Variants in LRRIQ3 observed in about 807,000 individuals in gnomAD.
The protein encoded by LRRIQ3 is leucine rich repeats and IQ motif containing 3.
LRRIQ3 carries 75 observed loss-of-function variants against 59.3 expected under a neutral mutation model. The observed-to-expected ratio is 1.26, with a 90% CI of 1.05 to 1.53. The LOEUF (loss-of-function observed/expected upper bound fraction) is 1.53, where lower values mean the gene tolerates loss of function less well. LRRIQ3 is among the 40% of genes most tolerant of loss of function. The pLI is 0.00. For missense variants in LRRIQ3, 831 were observed against 710.0 expected (o/e 1.17, Z -1.94); for synonymous variants, 250 against 231.3 (o/e 1.08, Z -0.73).
chr1:74,067,978 A>C (rs1055794923), intron 6 of LRRIQ3, among the ~76,000 whole-genome samples: 2 of 152,076 alleles, frequency 1.3e-5, no homozygotes. Flanking sequence ...AACATAGTCA[A>C]GTACAACCAA....
At chr1:74,095,537 A>T (rs1646439796) in intron 5 of LRRIQ3, among the ~76,000 whole-genome samples, 1 of 152,132 alleles carries the variant, frequency 6.6e-6, no homozygotes. Flanking sequence ...TATAACTAAG[A>T]TATTGGGAAG....
intron 5 of LRRIQ3, among the ~76,000 whole-genome samples, chr1:74,087,381 CTTTTT>C (rs57068994): frequency 4.7e-4 from 28 of 59,010 alleles, no homozygotes; most frequent in African/African-American, 1.8e-3. Flanking sequence ...AAAATTTTAT[CTTTTT>C]TTTTTTTTTT....
At position 74,181,005 on chromosome 1, in the gene LRRIQ3, G is replaced by T. The variant is rs1169967330; in HGVS notation, c.573+1533C>A. ...GTCTATTCTCTGTGCCTTTCCCTTG[G>T]ACTTAATGAGGACAAGAATTTTGTC... On this transcript the variant is annotated intron_variant, in intron 3 of 7. Coordinates refer to ENST00000354431, the MANE Select transcript of LRRIQ3 (RefSeq NM_001105659.2). The T allele has an allele frequency of 1.4e-5, 7 of 513,858 alleles. No individual in the cohort carries two copies. In the Admixed American group the frequency reaches 2.2e-4, roughly 16 times the overall value. The allele number at this position is 513,858 out of a possible 1,614,324, so 31.8% of individuals were successfully genotyped here.
intron 4 of LRRIQ3, among the ~76,000 whole-genome samples, chr1:74,146,572 G>A (rs1647585375): frequency 6.6e-6 from 1 of 152,140 alleles, no homozygotes; most frequent in African/African-American, 2.4e-5. Context: ...ACTTTGCTAT[G>A]AAAATTTTAT....
intron 4 of LRRIQ3, among the ~76,000 whole-genome samples, chr1:74,136,097 G>C (rs983747364): frequency 4.6e-5 from 7 of 151,778 alleles, no homozygotes; most frequent in Non-Finnish European, 1.0e-4. Flanking sequence ...GAAAATATGA[G>C]AAATAGTATT....
At chr1:74,075,029 G>A (rs1480354854) in intron 5 of LRRIQ3, among the ~76,000 whole-genome samples, 1 of 152,078 alleles carries the variant, frequency 6.6e-6, no homozygotes, top group Non-Finnish European at 1.5e-5. Context: ...GAGATTGAGG[G>A]AAAGAGAGAC....
chr1:74,031,076 C>A (rs1328007639), intron 7 of LRRIQ3, among the ~76,000 whole-genome samples: 1 of 152,134 alleles, frequency 6.6e-6, no homozygotes, highest in Non-Finnish European at 1.5e-5. Context: ...CATCTCACAC[C>A]AGTTAGAATG....
chr1:74,106,375 C>CG (rs998946269), intron 5 of LRRIQ3, among the ~76,000 whole-genome samples: 14 of 150,628 alleles, frequency 9.3e-5, no homozygotes, highest in Admixed American at 6.6e-5. Flanking sequence ...GTGGGGATGG[C>CG]GGGGGGAGGA....
At chr1:74,069,758 T>C (rs1273835449) in intron 6 of LRRIQ3, among the ~76,000 whole-genome samples, 2 of 152,006 alleles carry the variant, frequency 1.3e-5, no homozygotes, top group Admixed American at 1.3e-4. Flanking sequence ...TTCATAATCT[T>C]CCAAAATTTC....
rs550510174 is a variant in LRRIQ3 at position 74,070,051 on chromosome 1, T to C, written c.997+4610A>G. Among the ~76,000 whole-genome samples the C allele has an allele frequency of 5.3e-5, 8 of 152,210 alleles. No homozygotes were observed. The South Asian group carries it at 1.5e-3, about 28-fold the overall frequency. On this transcript the variant is annotated intron_variant, in intron 6 of 7. Transcript: ENST00000354431. The stretch of plus-strand genomic sequence containing the variant: ...GGAATGTAAATTAGTTCACCCACTA[T>C]GGGAAGCAGCTTGGTGACTTCTGAA...
intron 4 of LRRIQ3, among the ~76,000 whole-genome samples, chr1:74,122,225 C>T (rs557653027): frequency 3.7e-4 from 56 of 152,240 alleles, no homozygotes; most frequent in African/African-American, 1.2e-3. Flanking sequence ...TCCTATTTCT[C>T]CACATCCTCT....
Position 74,074,757 on chromosome 1 carries a change from T to G in LRRIQ3, c.901A>C (p.Ser301Arg), listed in dbSNP as rs771849327. 1 of 1,413,032 alleles carries G rather than the reference T, an allele frequency of 7.1e-7. No individual in the cohort carries two copies. The allele number at this position is 1,413,032 out of a possible 1,614,324, so 87.5% of individuals were successfully genotyped here. The change falls in exon 6 of 8, where the codon AGT becomes CGT. Residue 301 changes from serine to arginine, a missense_variant. Ser to Arg is a moderately radical substitution (Grantham distance 110). Coordinates refer to ENST00000354431, the MANE Select transcript of LRRIQ3 (RefSeq NM_001105659.2). Reference sequence around the variant, plus strand: ...GATGACACATGTTTTCTGTGTTCACTGGAATTTTTTAAATCAACAGGATAA... The same window carrying G: ...GATGACACATGTTTTCTGTGTTCACGGGAATTTTTTAAATCAACAGGATAA... The part of the protein sequence containing the change: ...IYYPVDLKNS[S>R]EHRKHVSSIL...
At chr1:74,129,364 C>G (rs1430338107) in intron 4 of LRRIQ3, among the ~76,000 whole-genome samples, 3 of 152,020 alleles carry the variant, frequency 2.0e-5, no homozygotes, top group Non-Finnish European at 4.4e-5. Flanking sequence ...ACTATCACCA[C>G]CCCAGTTATG....
chr1:74,132,361 C>A (rs1164228940), intron 4 of LRRIQ3, among the ~76,000 whole-genome samples: 2 of 151,574 alleles, frequency 1.3e-5, no homozygotes, highest in Non-Finnish European at 3.0e-5. Flanking sequence ...TTGGAAAAAA[C>A]TACTTTAAAG....
intron 3 of LRRIQ3, among the ~76,000 whole-genome samples, chr1:74,162,901 A>G (rs896438805): frequency 2.0e-5 from 3 of 151,706 alleles, no homozygotes; most frequent in Admixed American, 6.6e-5. Flanking sequence ...TTACATGTAC[A>G]TAGGAGGAAT....
intron 5 of LRRIQ3, among the ~76,000 whole-genome samples, chr1:74,077,444 A>C (rs192600233): frequency 6.6e-6 from 1 of 152,036 alleles, no homozygotes. Context: ...TCCCCTGAAA[A>C]AAACAAGAAC....
chr1:74,036,595 T>C lies in LRRIQ3; in HGVS notation c.1718+4618A>G, dbSNP rs947981921. ...CCCATTAATGTACCCGAAATTTTAA[T>C]TGTCTATTCGTAATGTTTGTGTTAT... On this transcript the variant is annotated intron_variant, in intron 7 of 7. Transcript: ENST00000354431. Among the ~76,000 whole-genome samples the C allele has an allele frequency of 7.2e-5, 11 of 152,202 alleles. No homozygotes were observed. In the East Asian group the frequency reaches 2.1e-3, roughly 29 times the overall value.
intron 4 of LRRIQ3, among the ~76,000 whole-genome samples, chr1:74,139,699 A>G (rs1381556934): frequency 6.6e-6 from 1 of 151,984 alleles, no homozygotes; most frequent in African/African-American, 2.4e-5. Flanking sequence ...TCTTGATATA[A>G]ATACTGACTA....
At chr1:74,061,659 C>A (rs193165598) in intron 6 of LRRIQ3, among the ~76,000 whole-genome samples, 10 of 152,184 alleles carry the variant, frequency 6.6e-5, no homozygotes, top group African/African-American at 2.4e-4. Context: ...CTGAAGGTAA[C>A]CTAGGAAATA....
Sources: allele counts gnomAD v4.1 joint callset (sites outside exome capture counted in the v4.1 genomes callset), GRCh38; gene constraint gnomAD v4.1.1; transcripts MANE v1.5; gene names NCBI Gene and HGNC (gene_info 2026-07-23, HGNC 2026-07-21).